MYCBP2: variants seen among roughly 807,000 people sequenced by gnomAD.
MYCBP2 encodes MYC binding protein 2.
A neutral mutation model predicts 525.3 loss-of-function variants in MYCBP2; 120 were observed. That is an observed-to-expected ratio of 0.23 (90% CI 0.20 to 0.27). MYCBP2 has a LOEUF of 0.27. Among genes scored for constraint, MYCBP2 ranks in the 10% least tolerant of loss-of-function variants. The pLI, the probability that MYCBP2 is intolerant of heterozygous loss-of-function variation, is 1.00. For missense variants in MYCBP2, 4,149 were observed against 5,657.1 expected (o/e 0.73, Z 8.55); for synonymous variants, 1,894 against 1,955.8 (o/e 0.97, Z 0.83).
At chr13:77,268,339 T>C (rs1225518913) in intron 7 of MYCBP2, among the ~76,000 whole-genome samples, 2 of 151,920 alleles carry the variant, frequency 1.3e-5, no homozygotes, top group African/African-American at 2.4e-5. Flanking sequence ...TGGTATGCCA[T>C]TGAACACACT....
chr13:77,075,930 A>C (rs1473835412), intron 68 of MYCBP2: 1 of 152,228 alleles, frequency 6.6e-6, no homozygotes, highest in African/African-American at 2.4e-5. Context: ...ATACTACTGT[A>C]TTAAGAAACA....
At position 77,083,101 on chromosome 13, in the gene MYCBP2, A is replaced by G. The variant is rs2043591557; in HGVS notation, c.10967T>C (p.Leu3656Ser). ...AHPLPHTFHR[L>S]LQTISDLMMS... ...CATAAGGTCTGAGATGGTCTGCAGC[A>G]AGCGGTGAAAGGTGTGTGGTAAAGG... The change falls in exon 63 of 83, where the codon TTG (leucine) becomes TCG (serine). Residue 3656 changes from leucine (L) to serine (S), a missense_variant. Transcript: ENST00000544440. The G allele has an allele frequency of 1.2e-6, 2 of 1,613,514 alleles. No individual in the cohort carries two copies. Among genetic ancestry groups the G allele is most frequent in the Non-Finnish European group, 1.7e-6 (2 of 1,179,694 alleles).
chr13:77,106,511 T>C (rs1346612887), intron 55 of MYCBP2, among the ~76,000 whole-genome samples: 1 of 152,108 alleles, frequency 6.6e-6, no homozygotes, highest in Non-Finnish European at 1.5e-5. Flanking sequence ...TCACCAATAC[T>C]CAGAGCAGGT....
intron 21 of MYCBP2, among the ~76,000 whole-genome samples, chr13:77,214,900 C>T (rs1047313879): frequency 2.0e-5 from 3 of 151,972 alleles, no homozygotes; most frequent in Non-Finnish European, 4.4e-5. Context: ...CATCACTGAC[C>T]AAAATACTGT....
At chr13:77,099,175 C>T in intron 55 of MYCBP2, 162 bp from the exon 56 acceptor site, 3 of 986,558 alleles carry the variant, frequency 3.0e-6, no homozygotes, top group Non-Finnish European at 4.3e-6. Flanking sequence ...GGAAATATTT[C>T]TAATAAAATT....
intron 72 of MYCBP2, among the ~76,000 whole-genome samples, chr13:77,065,414 C>G (rs1000022332): frequency 6.6e-6 from 1 of 152,154 alleles, no homozygotes; most frequent in Non-Finnish European, 1.5e-5. Flanking sequence ...GCCTTCTATT[C>G]CTTCTGACTC....
At chr13:77,095,217 CA>C in intron 58 of MYCBP2, 140 bp downstream of exon 58, 1 of 1,028,934 alleles carries the variant, frequency 9.7e-7, no homozygotes, top group South Asian at 1.7e-5. Context: ...CAAGGCAACT[CA>C]AAAAATAAAT....
At chr13:77,318,854 G>A (rs1472707341) in intron 1 of MYCBP2, among the ~76,000 whole-genome samples, 3 of 152,160 alleles carry the variant, frequency 2.0e-5, no homozygotes, top group Admixed American at 6.5e-5. Context: ...GACTGAACAT[G>A]CCACCCTCCT....
chr13:77,156,831 T>C (rs1232940540), intron 45 of MYCBP2, among the ~76,000 whole-genome samples: 1 of 152,240 alleles, frequency 6.6e-6, no homozygotes, highest in Non-Finnish European at 1.5e-5. Context: ...AATTCTACCA[T>C]GCATTACATA....
At chr13:77,301,789 C>T (rs1490904501) in intron 1 of MYCBP2, among the ~76,000 whole-genome samples, 1 of 152,014 alleles carries the variant, frequency 6.6e-6, no homozygotes, top group East Asian at 1.9e-4. Flanking sequence ...GAGGCAAGTA[C>T]CTGAGATGCA....
In MYCBP2 at chr13:77,097,640, A is replaced by C. The variant is rs2046456043; in HGVS notation, c.9514T>G (p.Leu3172Val). The C allele has an allele frequency of 6.2e-7, 1 of 1,613,650 alleles. No individual in the cohort carries two copies. The highest frequency in any genetic ancestry group is 1.7e-5 in the Admixed American group (1 of 59,908). The change falls in exon 56 of 83, where the codon TTG becomes GTG. Residue 3172 changes from leucine (L) to valine (V), a missense_variant. Leu to Val is a conservative substitution (Grantham distance 32). Coordinates refer to ENST00000544440, the MANE Select transcript of MYCBP2 (RefSeq NM_015057.5). ...TGGGAAGCAGCTTTGATAGTAGCCA[A>C]AGAGATGTCTTCCCAAAAAGCCACT... ...HLVAFWEDIS[L>V]ATIKAASQNM...
intron 26 of MYCBP2, among the ~76,000 whole-genome samples, chr13:77,203,955 C>T (rs1181273804): frequency 2.6e-5 from 4 of 151,938 alleles, no homozygotes; most frequent in East Asian, 3.9e-4. Context: ...AGAAGAAAAC[C>T]TAGGCATTAC....
At position 77,068,131 on chromosome 13, in the gene MYCBP2, T is replaced by C. The variant is rs571155870; in HGVS notation, c.12172-267A>G. Among the ~76,000 whole-genome samples, 155 of 152,282 alleles carry C rather than the reference T, an allele frequency of 1.0e-3. 1 individual carries two copies. The highest frequency in any genetic ancestry group is 3.5e-3 in the African/African-American group (147 of 41,554). On this transcript the variant is annotated intron_variant, in intron 70 of 82. Transcript: ENST00000544440. ...TTTAATGTACCTAACTACCATTCTG[T>C]AACTTCAAAATCTTTAAGAAAAGAA...
At position 77,093,387 on chromosome 13, in the gene MYCBP2, C is replaced by T. The variant is rs1346069048; in HGVS notation, c.10200-55G>A. The T allele has an allele frequency of 4.8e-6, 7 of 1,449,948 alleles. No homozygotes were observed. The Admixed American group carries it at 7.6e-5, about 16-fold the overall frequency. The allele number at this position is 1,449,948 out of a possible 1,614,324, so 89.8% of individuals were successfully genotyped here. On this transcript the variant is annotated intron_variant, in intron 58 of 82. Coordinates refer to ENST00000544440, the MANE Select transcript of MYCBP2 (RefSeq NM_015057.5). ...GCATGATGGCAATACAGATCCTCTC[C>T]ATTTTTAATCTCTTTCATAACAGGA... is the stretch of plus-strand genomic sequence containing the variant.
intron 30 of MYCBP2, among the ~76,000 whole-genome samples, chr13:77,187,812 C>A (rs781372127): frequency 3.3e-5 from 5 of 151,600 alleles, no homozygotes; most frequent in African/African-American, 1.2e-4. Flanking sequence ...TTTGGGAGGC[C>A]GAGGCGGGTG....
chr13:77,117,466 A>G (rs2154153263), intron 55 of MYCBP2, among the ~76,000 whole-genome samples: 1 of 152,252 alleles, frequency 6.6e-6, no homozygotes, highest in Non-Finnish European at 1.5e-5. Context: ...AATAAAAACT[A>G]AACCAGCTAG....
At chr13:77,322,955 C>T (rs7324014) in intron 1 of MYCBP2, among the ~76,000 whole-genome samples, 112,710 of 152,102 alleles carry the variant, frequency 0.74, 42,542 homozygotes, top group Middle Eastern at 0.84. Context: ...TACACAGTCA[C>T]TGAGACCAAA....
At chr13:77,276,531 G>T (rs2075607607) in intron 4 of MYCBP2, among the ~76,000 whole-genome samples, 1 of 152,164 alleles carries the variant, frequency 6.6e-6, no homozygotes, top group Non-Finnish European at 1.5e-5. Context: ...GCAGTGACGA[G>T]ATCAGCAGTA....
chr13:77,288,516 T>A (rs917192134), intron 2 of MYCBP2, 140 bp from the exon 3 acceptor site: 1 of 730,966 alleles, frequency 1.4e-6, no homozygotes, highest in Non-Finnish European at 2.2e-6. Context: ...TCTAAGTCTA[T>A]GGACCCAACT....
Sources: gnomAD v4.1 joint callset for allele counts (sites outside exome capture counted in the v4.1 genomes callset) on GRCh38, gnomAD v4.1.1 for gene constraint, MANE v1.5 for transcripts, NCBI Gene and HGNC (gene_info 2026-07-23, HGNC 2026-07-21) for gene names.